MED13L: variants seen among roughly 807,000 people sequenced by gnomAD.
The protein encoded by MED13L is mediator complex subunit 13L.
In MED13L, 7 loss-of-function variants were observed where a neutral mutation model predicts 220.9. The observed-to-expected ratio is 0.03, with a 90% CI of 0.02 to 0.06. The LOEUF (loss-of-function observed/expected upper bound fraction) is 0.06. Among genes scored for constraint, MED13L ranks in the 10% least tolerant of loss-of-function variants. MED13L has a pLI of 1.00. For missense variants in MED13L, 1,965 were observed against 2,760.5 expected, an observed-to-expected ratio of 0.71 and a Z score of 6.46; for synonymous variants, 1,011 against 1,015.2, an observed-to-expected ratio of 1.00 and a Z score of 0.08.
At chr12:116,105,305 T>C (rs1206693668) in intron 3 of MED13L, among the ~76,000 whole-genome samples, 2 of 152,098 alleles carry the variant, frequency 1.3e-5, no homozygotes, top group African/African-American at 4.8e-5. Context: ...TGGTGCATTA[T>C]TAGAAAGGGA....
intron 4 of MED13L, among the ~76,000 whole-genome samples, chr12:116,081,122 T>C (rs1224269927): frequency 6.6e-6 from 1 of 152,224 alleles, no homozygotes; most frequent in African/African-American, 2.4e-5. Context: ...AGAGCCCCTA[T>C]TATGGCTTGC....
intron 2 of MED13L, among the ~76,000 whole-genome samples, chr12:116,134,284 TGA>T (rs1243506179): frequency 1.3e-5 from 2 of 152,196 alleles, no homozygotes; most frequent in East Asian, 1.9e-4. Context: ...AGCAGTATAC[TGA>T]GAGACGAACT....
At chr12:116,264,208 A>C (rs531726456) in intron 1 of MED13L, among the ~76,000 whole-genome samples, 109 of 152,226 alleles carry the variant, frequency 7.2e-4, no homozygotes, top group Admixed American at 1.3e-3. Flanking sequence ...GCAGCCAACT[A>C]AACTGTCTCT....
chr12:115,972,741 C>G (rs979089797), intron 25 of MED13L, among the ~76,000 whole-genome samples: 2 of 152,180 alleles, frequency 1.3e-5, no homozygotes, highest in Non-Finnish European at 2.9e-5. Flanking sequence ...CCCAAAAGAG[C>G]TCACAACGAG....
chr12:116,225,002 T>G (rs1868817889), intron 2 of MED13L, among the ~76,000 whole-genome samples: 1 of 152,184 alleles, frequency 6.6e-6, no homozygotes, highest in Admixed American at 6.5e-5. Flanking sequence ...CAACACACCT[T>G]ACATGTATAA....
rs1425529783 is a variant in MED13L at position 116,041,699 on chromosome 12, G to GTGGCAAGAACCTGTAA, written c.480-19099_480-19098insTTACAGGTTCTTGCCA. The stretch of plus-strand genomic sequence containing the variant: ...CTCTACCAAAAATTAGCTGGGTGTG[G>GTGGCAAGAACCTGTAA]TGGCAAGAACCTGTAGTCCCAGCTA... On this transcript the variant is annotated intron_variant, in intron 4 of 30. Transcript: ENST00000281928. Among the ~76,000 whole-genome samples the GTGGCAAGAACCTGTAA allele has an allele frequency of 5.9e-5, 9 of 152,178 alleles. No homozygotes were observed. The East Asian group carries it at 1.7e-3, about 29-fold the overall frequency.
chr12:116,218,789 A>G (rs1337372349), intron 2 of MED13L, among the ~76,000 whole-genome samples: 1 of 151,792 alleles, frequency 6.6e-6, no homozygotes, highest in Non-Finnish European at 1.5e-5. Flanking sequence ...GCTGGAGTGC[A>G]GTGGTGCAAT....
intron 2 of MED13L, among the ~76,000 whole-genome samples, chr12:116,182,937 A>T (rs1186225574): frequency 6.6e-6 from 1 of 152,208 alleles, no homozygotes; most frequent in African/African-American, 2.4e-5. Flanking sequence ...TTGAGATTTT[A>T]AGCTACTTGA....
intron 17 of MED13L, among the ~76,000 whole-genome samples, chr12:115,987,847 G>T (rs1444659297): frequency 1.3e-5 from 2 of 152,206 alleles, no homozygotes; most frequent in Non-Finnish European, 2.9e-5. Context: ...GAAGTCCGCT[G>T]CAGGCACGGA....
At chr12:116,020,798 C>G (rs1363089005) in intron 5 of MED13L, among the ~76,000 whole-genome samples, 1 of 152,074 alleles carries the variant, frequency 6.6e-6, no homozygotes, top group Non-Finnish European at 1.5e-5. Flanking sequence ...CCAAATAATA[C>G]GTTTCTGAAG....
At chr12:116,182,625 C>T (rs964539239) in intron 2 of MED13L, among the ~76,000 whole-genome samples, 6 of 151,548 alleles carry the variant, frequency 4.0e-5, no homozygotes. Flanking sequence ...TACTCTCTCA[C>T]TCTCTCTTTC....
chr12:116,120,467 T>TCACACACACACACA (rs1565886949), intron 2 of MED13L, among the ~76,000 whole-genome samples: 63 of 136,888 alleles, frequency 4.6e-4, no homozygotes, highest in Middle Eastern at 3.7e-3. Flanking sequence ...TCTCTCTCTC[T>TCACACACACACACA]CTCTCTCTCT....
chr12:116,031,763 G>GAAAAGAAAA (rs1566020961), intron 4 of MED13L, among the ~76,000 whole-genome samples: 27 of 102,220 alleles, frequency 2.6e-4, no homozygotes, highest in East Asian at 1.7e-3. Flanking sequence ...AAGAAAAGAA[G>GAAAAGAAAA]GAAGGAAGGA....
At position 115,969,006 on chromosome 12, in the gene MED13L, A is replaced by G. The variant is rs776842230; in HGVS notation, c.6159T>C (p.Ser2053=). The G allele has an allele frequency of 4.3e-6, 7 of 1,614,078 alleles. No homozygotes were observed. The highest frequency in any genetic ancestry group is 5.9e-6 in the Non-Finnish European group (7 of 1,179,952). The part of the protein sequence containing the change: ...MTGNLHSSPN[S]SPVPSPGSPS... ...GAGAGCCTGGGGAGGGTACTGGGGA[A>G]GAGTTGGGAGAGGAATGGAGGTTCC... Residue 2053 remains serine (S), a synonymous_variant, in exon 28 of 31, where the codon TCT becomes TCC. Coordinates refer to ENST00000281928, the MANE Select transcript of MED13L (RefSeq NM_015335.5).
At chr12:116,133,154 C>A (rs960695202) in intron 2 of MED13L, among the ~76,000 whole-genome samples, 8 of 152,204 alleles carry the variant, frequency 5.3e-5, no homozygotes, top group African/African-American at 1.9e-4. Context: ...TTATCTCCAA[C>A]TAGTAAAAGC....
Position 116,008,426 on chromosome 12 carries a change from T to C in MED13L, c.1987A>G (p.Asn663Asp), listed in dbSNP as rs1182473151. ...GERCDAKMEV[N>D]SESTALQRLL... The stretch of plus-strand genomic sequence containing the variant: ...CTTTGCAATGCAGTGCTCTCTGAGT[T>C]TACCTCCATTTTGGCATCACATCTC... Residue 663 changes from asparagine to aspartate, a missense_variant, in exon 10 of 31, where the codon AAC (asparagine) becomes GAC (aspartate). Physicochemically the swap from Asn to Asp is conservative, Grantham distance 23. Coordinates refer to ENST00000281928, the MANE Select transcript of MED13L (RefSeq NM_015335.5). 1.2e-6 allele frequency: 2 copies of C among 1,611,746 alleles called. No homozygotes were observed. The highest frequency in any genetic ancestry group is 2.2e-5 in the South Asian group (2 of 90,912).
At chr12:116,103,924 G>T (rs1201198490) in intron 3 of MED13L, among the ~76,000 whole-genome samples, 1 of 151,460 alleles carries the variant, frequency 6.6e-6, no homozygotes, top group African/African-American at 2.4e-5. Flanking sequence ...CTTCAACTAG[G>T]GCGGTACATC....
rs768613510 is a variant in MED13L, at chr12:116,006,041, G to T, written c.2345-48C>A. ...CACAGAATAAACAACTCCACCAAGCGCAAAGGAGTAGGGAGAGGACACGGA... is the reference window on the plus strand; with the variant it reads ...CACAGAATAAACAACTCCACCAAGCTCAAAGGAGTAGGGAGAGGACACGGA... On this transcript the variant is annotated intron_variant, in intron 12 of 30. Coordinates refer to ENST00000281928, the MANE Select transcript of MED13L (RefSeq NM_015335.5). 11 of 1,610,330 alleles carry T rather than the reference G, an allele frequency of 6.8e-6. No individual in the cohort carries two copies. In the South Asian group the frequency reaches 8.8e-5, roughly 13 times the overall value.
chr12:116,012,999 A>C, intron 8 of MED13L, 98 bp from the exon 9 acceptor site: 1 of 842,828 alleles, frequency 1.2e-6, no homozygotes, highest in East Asian at 2.6e-5. Flanking sequence ...TCACATAGTA[A>C]TGGTATCCTG....
Sources: allele counts gnomAD v4.1 joint callset (sites outside exome capture counted in the v4.1 genomes callset), GRCh38; gene constraint gnomAD v4.1.1; transcripts MANE v1.5; gene names NCBI Gene and HGNC (gene_info 2026-07-23, HGNC 2026-07-21).